The following TEX11 variants were observed in gnomAD, a reference collection of about 807,000 sequenced individuals.
TEX11 encodes testis expressed 11.
In TEX11, 7 loss-of-function variants were observed where a neutral mutation model predicts 84.4. The ratio of observed to expected loss-of-function variants is 0.08; its 90% CI spans 0.05 to 0.16. TEX11 has a LOEUF of 0.16. TEX11 is among the 10% of genes least tolerant of loss of function. TEX11 has a pLI of 1.00. For missense variants in TEX11, 551 were observed against 660.5 expected, an observed-to-expected ratio of 0.83 and a Z score of 1.82; for synonymous variants, 264 against 222.8, an observed-to-expected ratio of 1.18 and a Z score of -1.64.
chrX:70,511,752 CAAAAAAAAAAAAA>C, the TEX11 span, among the ~76,000 whole-genome samples: 11 of 32,723 alleles, frequency 3.4e-4, no homozygotes, highest in Admixed American at 1.1e-3. Flanking sequence ...GACTCCATCT[CAAAAAAAAAAAAA>C]AAAAAAAAAA....
At chrX:70,602,711 G>T (rs1288030293) in intron 24 of TEX11, among the ~76,000 whole-genome samples, 5 of 107,386 alleles carry the variant, frequency 4.7e-5, no homozygotes, top group Non-Finnish European at 9.6e-5. Flanking sequence ...CGGCAATTAG[G>T]CAGGAGAAGG....
At chrX:70,789,723 T>A (rs1392838630) in intron 9 of TEX11, among the ~76,000 whole-genome samples, 1 of 112,088 alleles carries the variant, frequency 8.9e-6, no homozygotes, top group Non-Finnish European at 1.9e-5. Context: ...TATGGAAAAC[T>A]GTATAGAAGT....
At chrX:70,809,532 T>C (rs763652180) in intron 8 of TEX11, among the ~76,000 whole-genome samples, 2 of 110,858 alleles carry the variant, frequency 1.8e-5, no homozygotes, top group South Asian at 3.8e-4. Flanking sequence ...ATATATAATA[T>C]CTAAAAGTAA....
At chrX:70,563,880 T>C (rs1013014689) in intron 25 of TEX11, among the ~76,000 whole-genome samples, 12 of 112,755 alleles carry the variant, frequency 1.1e-4, no homozygotes, top group African/African-American at 3.9e-4. Flanking sequence ...TTTTTATATA[T>C]TGCTGGATTC....
chrX:70,639,099 G>C (rs988617550), intron 17 of TEX11, among the ~76,000 whole-genome samples: 1 of 111,694 alleles, frequency 9.0e-6, no homozygotes. Context: ...TGCCTCACTC[G>C]GCGGGGGGAA....
intron 7 of TEX11, 63 bp downstream of exon 7, chrX:70,852,971 T>C: frequency 9.0e-7 from 1 of 1,112,489 alleles, no homozygotes; most frequent in Non-Finnish European, 1.2e-6. Context: ...CTATATATCA[T>C]CACTTTTACT....
chrX:70,525,725 T>C (rs2087816253), downstream of TEX11, among the ~76,000 whole-genome samples: 1 of 112,247 alleles, frequency 8.9e-6, no homozygotes, highest in Non-Finnish European at 1.9e-5. Flanking sequence ...CACAAACAAA[T>C]GTATTTATTT....
chrX:70,731,327 G>T (rs2090648385), intron 11 of TEX11, among the ~76,000 whole-genome samples: 1 of 111,305 alleles, frequency 9.0e-6, no homozygotes, highest in African/African-American at 3.3e-5. Flanking sequence ...AGGAAATAGA[G>T]ACACAAAAAA....
chrX:70,718,669 C>T (rs7472520), intron 13 of TEX11, among the ~76,000 whole-genome samples: 8,719 of 111,435 alleles, frequency 0.078, 422 homozygotes, highest in Admixed American at 0.25. Flanking sequence ...CACTACATCC[C>T]GAAACTCCCC....
intron 18 of TEX11, among the ~76,000 whole-genome samples, chrX:70,628,372 T>C (rs1467952238): frequency 1.8e-5 from 2 of 111,529 alleles, no homozygotes; most frequent in Non-Finnish European, 3.8e-5. Context: ...ATCTCTTCCT[T>C]TAAAAAAACA....
intron 7 of TEX11, among the ~76,000 whole-genome samples, chrX:70,842,185 G>T (rs1286514025): frequency 2.7e-5 from 3 of 111,164 alleles, no homozygotes; most frequent in African/African-American, 9.8e-5. Context: ...CAAAAAAAGA[G>T]AATTTTAGAC....
chrX:70,647,301 A>G (rs774151258), intron 17 of TEX11, among the ~76,000 whole-genome samples: 5 of 111,837 alleles, frequency 4.5e-5, no homozygotes, highest in Non-Finnish European at 9.4e-5. Context: ...CGTTGAGCAG[A>G]AGGAACAAGT....
At chrX:70,846,164 G>C (rs996154060) in intron 7 of TEX11, 11 of 99,236 alleles carry the variant, frequency 1.1e-4, no homozygotes, top group African/African-American at 3.7e-4. Context: ...TTGCAGCAAA[G>C]CAACATCAAG....
chrX:70,692,011 A>G (rs973355593), intron 13 of TEX11, among the ~76,000 whole-genome samples: 29 of 111,871 alleles, frequency 2.6e-4, no homozygotes, highest in African/African-American at 9.1e-4. Context: ...ACTTACTTCA[A>G]AAAAACTGAT....
chrX:70,801,824 T>C (rs935591132), intron 9 of TEX11, among the ~76,000 whole-genome samples: 5 of 110,298 alleles, frequency 4.5e-5, no homozygotes, highest in East Asian at 5.6e-4. Context: ...ACTCAGACAA[T>C]TGGACCTCAG....
At chrX:70,661,939 A>G (rs1031556865) in intron 16 of TEX11, among the ~76,000 whole-genome samples, 2 of 112,013 alleles carry the variant, frequency 1.8e-5, no homozygotes, top group Non-Finnish European at 3.8e-5. Flanking sequence ...AGAAAAACTG[A>G]AAATTCTAAA....
At chrX:70,832,193 G>A (rs1334209608) in intron 8 of TEX11, among the ~76,000 whole-genome samples, 1 of 111,411 alleles carries the variant, frequency 9.0e-6, no homozygotes, top group African/African-American at 3.3e-5. Flanking sequence ...GGAAACTTTG[G>A]CTAAACCCAC....
chrX:70,686,881 T>A (rs2090193602), intron 13 of TEX11, among the ~76,000 whole-genome samples: 1 of 111,245 alleles, frequency 9.0e-6, no homozygotes, highest in South Asian at 3.8e-4. Context: ...ACTCTATTCA[T>A]GAAACACCAG....
intron 7 of TEX11, among the ~76,000 whole-genome samples, chrX:70,851,694 C>CACACAT (rs1377828962): frequency 1.8e-5 from 2 of 110,152 alleles, no homozygotes; most frequent in Non-Finnish European, 3.8e-5. Flanking sequence ...CACACACACA[C>CACACAT]ACACACAGAG....
Sources: gnomAD v4.1 joint callset for allele counts (sites outside exome capture counted in the v4.1 genomes callset) on GRCh38, gnomAD v4.1.1 for gene constraint, MANE v1.5 for transcripts, NCBI Gene and HGNC (gene_info 2026-07-23, HGNC 2026-07-21) for gene names.